MAPK8IP3: variants seen among roughly 807,000 people sequenced by gnomAD.
MAPK8IP3 encodes the protein mitogen-activated protein kinase 8 interacting protein 3, also known as C-Jun-amino-terminal kinase-interacting protein 3.
In MAPK8IP3, 49 loss-of-function variants were observed where a neutral mutation model predicts 157.8. The ratio of observed to expected loss-of-function variants is 0.31; its 90% CI spans 0.25 to 0.39. MAPK8IP3 has a LOEUF of 0.39. Ranked by LOEUF, MAPK8IP3 falls within the 10% of genes least tolerant of loss-of-function variation. The pLI is 1.00. For missense variants in MAPK8IP3, 1,478 were observed against 1,889.4 expected, an observed-to-expected ratio of 0.78 and a Z score of 4.04; for synonymous variants, 897 against 777.7, an observed-to-expected ratio of 1.15 and a Z score of -2.55.
chr16:1,735,727 CCATGTGAGAGTGTGACCGT>C (rs2039690469), intron 4 of MAPK8IP3, among the ~76,000 whole-genome samples: 1 of 122,026 alleles, frequency 8.2e-6, no homozygotes, highest in African/African-American at 3.2e-5. Flanking sequence ...GTGTGACCGT[CCATGTGAGAGTGTGACCGT>C]CCATGTGAGC....
rs139173266 is a variant in MAPK8IP3, at chr16:1,712,464, C to T, written c.318+5807C>T. On this transcript the variant is annotated intron_variant, in intron 1 of 31. Coordinates refer to ENST00000610761, the MANE Select transcript of MAPK8IP3 (RefSeq NM_001318852.2). The stretch of plus-strand genomic sequence containing the variant: ...CTCCCGGCCACTCCCACCGCCGCCA[C>T]TTTGCCAGCCCAGAGAACCCTCACA... Among the ~76,000 whole-genome samples, 614 of 152,302 alleles carry T rather than the reference C, an allele frequency of 4.0e-3. 4 individuals carry two copies. Among genetic ancestry groups the T allele is most frequent in the African/African-American group, 0.014 (591 of 41,558 alleles).
chr16:1,729,308 C>A, intron 3 of MAPK8IP3, 100 bp downstream of exon 3: 1 of 1,408,578 alleles, frequency 7.1e-7, no homozygotes, highest in Non-Finnish European at 1.0e-6. Flanking sequence ...CCTGGCATGT[C>A]CCTTTTCTAG....
chr16:1,711,788 A>G lies in MAPK8IP3; in HGVS notation c.318+5131A>G, dbSNP rs1382148758. ...AACCCCGTCTCTACTAAAAATACAA[A>G]AATTAGCTGGGCATGGTGATGCACA... On this transcript the variant is annotated intron_variant, in intron 1 of 31. Coordinates refer to ENST00000610761, the MANE Select transcript of MAPK8IP3 (RefSeq NM_001318852.2). 2.6e-5 allele frequency among the ~76,000 whole-genome samples: 4 copies of G among 151,882 alleles called. No homozygotes were observed. The East Asian group carries it at 7.8e-4, about 30-fold the overall frequency.
At chr16:1,735,295 C>T (rs1195964900) in intron 4 of MAPK8IP3, among the ~76,000 whole-genome samples, 2 of 147,062 alleles carry the variant, frequency 1.4e-5, no homozygotes, top group Non-Finnish European at 3.0e-5. Context: ...TGCGACGGTC[C>T]ATGTGACTGT....
In MAPK8IP3 at chr16:1,742,325, G is replaced by T. The variant is rs1468467083; in HGVS notation, c.603-1007G>T. Among the ~76,000 whole-genome samples, 1 of 152,142 alleles carries T rather than the reference G, an allele frequency of 6.6e-6. No homozygotes were observed. Among genetic ancestry groups the T allele is most frequent in the Non-Finnish European group, 1.5e-5 (1 of 68,022 alleles). On this transcript the variant is annotated intron_variant, in intron 4 of 31. Transcript: ENST00000610761. The surrounding 1 kb of genome is among the most constrained non-coding windows in gnomAD (Gnocchi z 5.0). ...GTCATCCCTAGGGACTGAGCCCACA[G>T]CAGGGGGCACTGAGCACTGTCCTGA...
chr16:1,761,045 G>C (rs2041904124), intron 12 of MAPK8IP3, among the ~76,000 whole-genome samples, 179 bp from the exon 13 acceptor site: 1 of 152,248 alleles, frequency 6.6e-6, no homozygotes, highest in Admixed American at 6.5e-5. Flanking sequence ...CTGTCCCCAG[G>C]GAACTGGAAG....
chr16:1,765,318 C>G (rs1042028406), intron 20 of MAPK8IP3, 140 bp downstream of exon 20: 1 of 1,075,448 alleles, frequency 9.3e-7, no homozygotes, highest in Non-Finnish European at 1.3e-6. Flanking sequence ...GTGGGAGGGG[C>G]AGCACCCAGT....
intron 4 of MAPK8IP3, among the ~76,000 whole-genome samples, chr16:1,735,736 A>AGC (rs2039693153): frequency 1.0e-5 from 1 of 95,400 alleles, no homozygotes; most frequent in African/African-American, 4.4e-5. Flanking sequence ...TCCATGTGAG[A>AGC]GTGTGACCGT....
At position 1,760,537 on chromosome 16, in the gene MAPK8IP3, G is replaced by T. The variant is rs1269545190; in HGVS notation, c.1457+5G>T. 1.2e-6 allele frequency: 2 copies of T among 1,608,930 alleles called. No homozygotes were observed. Among genetic ancestry groups the T allele is most frequent in the South Asian group, 2.2e-5 (2 of 90,846 alleles). On this transcript the variant is annotated splice_donor_5th_base_variant and intron_variant, in intron 12 of 31. Transcript: ENST00000610761. ...GCTGGAAGAGGAACTGAAAAGGTGA[G>T]GGCAGGGCATGGAAAGCTGGTCAGA...
At position 1,769,216 on chromosome 16, in the gene MAPK8IP3, T is replaced by G; in HGVS notation, c.*392T>G. 4 of 235,502 alleles carry G rather than the reference T, an allele frequency of 1.7e-5. No individual in the cohort carries two copies. The highest frequency in any genetic ancestry group is 5.1e-5 in the South Asian group (1 of 19,450). The allele number at this position is 235,502 out of a possible 1,614,324, so 14.6% of individuals were successfully genotyped here. On this transcript the variant is annotated 3_prime_UTR_variant, in exon 32 of 32. Coordinates refer to ENST00000610761, the MANE Select transcript of MAPK8IP3 (RefSeq NM_001318852.2). Reference sequence around the variant, plus strand: ...GGGGCTCCCCGCCGCCGAGGCTGCCTGCCCTGGGCCCACCTCTGCATGCTG... The same window carrying G: ...GGGGCTCCCCGCCGCCGAGGCTGCCGGCCCTGGGCCCACCTCTGCATGCTG...
rs532076818 is a variant in MAPK8IP3 at position 1,768,555 on chromosome 16, A to C, written c.3821A>C (p.Glu1274Ala). 4 of 1,571,638 alleles carry C rather than the reference A, an allele frequency of 2.5e-6. No individual in the cohort carries two copies. In the East Asian group the frequency reaches 9.4e-5, roughly 37 times the overall value. Reference protein sequence around the residue: ...EGPGPAAPASEVEGQKLRNVL... With the variant: ...EGPGPAAPASAVEGQKLRNVL... ...CCTGGGCCAGCTGCCCCTGCCTCGG[A>C]GGTCGAGGGCCAGAAGCTGCGGAAC... Residue 1274 changes from glutamate to alanine, a missense_variant, in exon 31 of 32, where the codon GAG becomes GCG. Transcript: ENST00000610761.
intron 8 of MAPK8IP3, among the ~76,000 whole-genome samples, chr16:1,757,222 A>G (rs1226797933): frequency 6.6e-6 from 1 of 151,960 alleles, no homozygotes; most frequent in African/African-American, 2.4e-5. Flanking sequence ...CTCCTGCCTC[A>G]GCCGCCCGAG....
intron 8 of MAPK8IP3, among the ~76,000 whole-genome samples, chr16:1,756,749 G>A (rs2041624413): frequency 6.6e-6 from 1 of 152,076 alleles, no homozygotes; most frequent in Non-Finnish European, 1.5e-5. Flanking sequence ...TTGAGCCTGG[G>A]AGGTCAACGT....
chr16:1,755,970 A>G (rs1316437669), intron 8 of MAPK8IP3, among the ~76,000 whole-genome samples: 1 of 152,208 alleles, frequency 6.6e-6, no homozygotes. Context: ...CTTTTTCCCT[A>G]AAAGATTGAA....
At position 1,743,220 on chromosome 16, in the gene MAPK8IP3, G is replaced by A. The variant is rs747049987; in HGVS notation, c.603-112G>A. On this transcript the variant is annotated intron_variant, in intron 4 of 31. Coordinates refer to ENST00000610761, the MANE Select transcript of MAPK8IP3 (RefSeq NM_001318852.2). The surrounding 1 kb of genome is among the most constrained non-coding windows in gnomAD (Gnocchi z 5.6). ...AGTAGCTGCTCGAGCTGGGCTGCTG[G>A]CTGGCATGGAGCGGCCCCATCACTC... 7.1e-7 allele frequency: 1 copy of A among 1,405,148 alleles called. No individual in the cohort carries two copies. 87.0% of individuals were successfully genotyped at this position (1,405,148 alleles called of 1,614,324 possible). A position where few individuals can be genotyped will look rare whatever the true frequency, so the allele number is the denominator to read the frequency against.
Position 1,747,220 on chromosome 16 carries a change from C to T in MAPK8IP3, c.939C>T (p.Arg313=), listed in dbSNP as rs532892890. The T allele has an allele frequency of 2.5e-6, 4 of 1,613,678 alleles. No homozygotes were observed. Among genetic ancestry groups the T allele is most frequent in the Non-Finnish European group, 3.4e-6 (4 of 1,180,022 alleles). The stretch of plus-strand genomic sequence containing the variant: ...ACAGCAAGCGTGCCCGGGAGAAGCG[C>T]GACAGCCGCAACATGGAAGTACAGG... ...SKNSKRAREK[R]DSRNMEVQVT... Residue 313 remains arginine, a synonymous_variant, in exon 6 of 32, where the codon CGC becomes CGT. Coordinates refer to ENST00000610761, the MANE Select transcript of MAPK8IP3 (RefSeq NM_001318852.2).
chr16:1,730,142 T>A (rs2039207983), intron 4 of MAPK8IP3, among the ~76,000 whole-genome samples: 4 of 150,956 alleles, frequency 2.6e-5, no homozygotes, highest in African/African-American at 9.7e-5. Context: ...CTACCTGTAG[T>A]CCCAGCTACT....
rs532829359 is a variant in MAPK8IP3 at position 1,729,339 on chromosome 16, G to A, written c.510+131G>A. The A allele has an allele frequency of 3.9e-6, 5 of 1,285,172 alleles. No individual in the cohort carries two copies. The East Asian group carries it at 9.6e-5, about 25-fold the overall frequency. The allele number at this position is 1,285,172 out of a possible 1,614,324, so 79.6% of individuals were successfully genotyped here. On this transcript the variant is annotated intron_variant, in intron 3 of 31. Coordinates refer to ENST00000610761, the MANE Select transcript of MAPK8IP3 (RefSeq NM_001318852.2). ...TCTAGCATTTGCTGCCAGGCTTGAAGGCTGTCAGCCCCAGGCTGGTTAGAT... is the reference window on the plus strand; with the variant it reads ...TCTAGCATTTGCTGCCAGGCTTGAAAGCTGTCAGCCCCAGGCTGGTTAGAT...
chr16:1,770,327 TC>T lies in MAPK8IP3; in HGVS notation c.*1505del. The T allele has an allele frequency of 3.2e-6, 1 of 314,960 alleles. No individual in the cohort carries two copies. Among genetic ancestry groups the T allele is most frequent in the Non-Finnish European group, 5.8e-6 (1 of 171,486 alleles). The allele number at this position is 314,960 out of a possible 1,614,324, so 19.5% of individuals were successfully genotyped here. On this transcript the variant is annotated 3_prime_UTR_variant, in exon 32 of 32. Coordinates refer to ENST00000610761, the MANE Select transcript of MAPK8IP3 (RefSeq NM_001318852.2). ...ATGTCTTAACGTCGTAGCTGCCTGTTCCTGGGCCCAAATCGAAACGAAAACG... is the reference window on the plus strand; with the variant it reads ...ATGTCTTAACGTCGTAGCTGCCTGTTCTGGGCCCAAATCGAAACGAAAACG...
Sources: gnomAD v4.1 joint callset for allele counts (sites outside exome capture counted in the v4.1 genomes callset) on GRCh38, gnomAD v4.1.1 for gene constraint, Gnocchi (gnomAD v3.1) non-coding constraint, MANE v1.5 for transcripts, NCBI Gene and HGNC (gene_info 2026-07-23, HGNC 2026-07-21) for gene names.